KPNA5: variants seen among roughly 807,000 people sequenced by gnomAD.
KPNA5 encodes the protein karyopherin subunit alpha 5.
A neutral mutation model predicts 71.3 loss-of-function variants in KPNA5; 46 were observed. That is an observed-to-expected ratio of 0.65 (90% confidence interval 0.51 to 0.83). The LOEUF (loss-of-function observed/expected upper bound fraction) is 0.83, where lower values mean the gene tolerates loss of function less well. KPNA5 is among the 40% of genes least tolerant of loss of function. The probability of loss-of-function intolerance (pLI) is 0.00; values close to 1 mark genes in which losing one functional copy is unlikely to be tolerated. For missense variants in KPNA5, 547 were observed against 628.3 expected (o/e 0.87, Z 1.38); for synonymous variants, 207 against 201.4 (o/e 1.03, Z -0.24).
intron 4 of KPNA5, among the ~76,000 whole-genome samples, chr6:116,693,213 T>C (rs1307423927): frequency 6.6e-6 from 1 of 152,220 alleles, no homozygotes; most frequent in Non-Finnish European, 1.5e-5. Flanking sequence ...CATGTGTCTT[T>C]ACAGCAGCAT....
At chr6:116,703,315 T>C (rs1350565098) in intron 6 of KPNA5, among the ~76,000 whole-genome samples, 1 of 151,768 alleles carries the variant, frequency 6.6e-6, no homozygotes, top group Non-Finnish European at 1.5e-5. Flanking sequence ...CACGCTGGAA[T>C]GCAATGGCGC....
At position 116,732,903 on chromosome 6, in the gene KPNA5, TA is replaced by T. The variant is rs544455845; in HGVS notation, c.*584del. On this transcript the variant is annotated 3_prime_UTR_variant, in exon 14 of 14. Transcript: ENST00000368564. ...GCAAAAAATTGCAACAGAAAACCTA[TA>T]AAATTTATTTATAAAACAGAAGAAA... The T allele has an allele frequency of 3.7e-4, 57 of 152,060 alleles. No homozygotes were observed. Among genetic ancestry groups the T allele is most frequent in the African/African-American group, 1.3e-3 (55 of 41,566 alleles). 9.4% of individuals were successfully genotyped at this position (152,060 alleles called of 1,614,324 possible). A position where few individuals can be genotyped will look rare whatever the true frequency, so the allele number is the denominator to read the frequency against.
chr6:116,739,531 G>T lies in KPNA5; in HGVS notation c.*7208G>T, dbSNP rs866702857. On this transcript the variant is annotated 3_prime_UTR_variant, in exon 14 of 14. Transcript: ENST00000368564. ...TTCATATGGAACCAAAAAAGAGCCC[G>T]CATCGCCAAGTCAATCCTAAGCCAA... The T allele has an allele frequency of 3.9e-5, 6 of 152,054 alleles. No individual in the cohort carries two copies. The highest frequency in any genetic ancestry group is 1.4e-4 in the African/African-American group (6 of 41,400). The allele number at this position is 152,054 out of a possible 1,614,324, so 9.4% of individuals were successfully genotyped here.
chr6:116,695,025 ACTATAG>A (rs1562432709), intron 4 of KPNA5, among the ~76,000 whole-genome samples: 1 of 152,002 alleles, frequency 6.6e-6, no homozygotes, highest in East Asian at 1.9e-4. Context: ...ATCACAGCTC[ACTATAG>A]CCTCTGCTTT....
chr6:116,710,889 AT>A (rs1778640305), intron 7 of KPNA5, among the ~76,000 whole-genome samples: 2 of 68,824 alleles, frequency 2.9e-5, no homozygotes, highest in Non-Finnish European at 4.9e-5. Flanking sequence ...ATATATATAT[AT>A]ATATTTTTTT....
chr6:116,726,072 G>GTGTGTGTGTGTT, intron 11 of KPNA5, among the ~76,000 whole-genome samples, 196 bp downstream of exon 11: 1 of 152,058 alleles, frequency 6.6e-6, no homozygotes, highest in Non-Finnish European at 1.5e-5. Flanking sequence ...GTGTGTGTGT[G>GTGTGTGTGTGTT]TGTGTGTGTG....
chr6:116,705,220 A>T (rs1778395814), intron 7 of KPNA5, 60 bp downstream of exon 7: 2 of 1,260,434 alleles, frequency 1.6e-6, no homozygotes, highest in Non-Finnish European at 2.3e-6. Flanking sequence ...GATATTCTAC[A>T]TACATAATTA....
At position 116,729,716 on chromosome 6, in the gene KPNA5, C is replaced by T; in HGVS notation, c.1407C>T (p.Tyr469=). Residue 469 remains tyrosine (Y), a synonymous_variant, in exon 13 of 14, where the codon TAC becomes TAT. Coordinates refer to ENST00000368564, the MANE Select transcript of KPNA5 (RefSeq NM_001366306.2). ...AGAATGGAATAGGCATTAATCCATA[C>T]TGTGCTCTCATTGAAGAAGCATATG... ...SKQNGIGINP[Y]CALIEEAYGL... 1 of 1,572,904 alleles carries T rather than the reference C, an allele frequency of 6.4e-7. No individual in the cohort carries two copies.
intron 7 of KPNA5, among the ~76,000 whole-genome samples, chr6:116,715,280 C>CTT (rs1778844377): frequency 6.6e-6 from 1 of 152,000 alleles, no homozygotes; most frequent in African/African-American, 2.4e-5. Flanking sequence ...GATGTATGTG[C>CTT]TTTTTTTCTA....
rs966076025 is a variant in KPNA5 at position 116,702,543 on chromosome 6, C to T, written c.567+393C>T. Among the ~76,000 whole-genome samples, 10 of 152,078 alleles carry T rather than the reference C, an allele frequency of 6.6e-5. 1 individual carries two copies. Among genetic ancestry groups the T allele is most frequent in the Admixed American group, 3.9e-4 (6 of 15,260 alleles). ...GCTAAAAATACAAAAATTAGCCAGG[C>T]GTGGTGCCACAGCTCCTCAAGAAGC... On this transcript the variant is annotated intron_variant, in intron 6 of 13. Coordinates refer to ENST00000368564, the MANE Select transcript of KPNA5 (RefSeq NM_001366306.2).
intron 5 of KPNA5, among the ~76,000 whole-genome samples, chr6:116,700,984 C>G (rs1020016775): frequency 6.6e-6 from 1 of 152,234 alleles, no homozygotes; most frequent in Admixed American, 6.5e-5. Context: ...CTAAGGCTTT[C>G]TTCTAGGGAT....
In KPNA5 at chr6:116,740,013, A is replaced by G. The variant is rs973498439; in HGVS notation, c.*7690A>G. ...TTGACAAATGGGATGTAATTGAACTAAAGAGCTTCTGCACAGCAAAAGAAA... is the reference window on the plus strand; with the variant it reads ...TTGACAAATGGGATGTAATTGAACTGAAGAGCTTCTGCACAGCAAAAGAAA... On this transcript the variant is annotated 3_prime_UTR_variant, in exon 14 of 14. Transcript: ENST00000368564. 3 of 152,192 alleles carry G rather than the reference A, an allele frequency of 2.0e-5. No homozygotes were observed. Among genetic ancestry groups the G allele is most frequent in the African/African-American group, 4.8e-5 (2 of 41,396 alleles). 9.4% of individuals were successfully genotyped at this position (152,192 alleles called of 1,614,324 possible).
Position 116,736,699 on chromosome 6 carries a change from C to T in KPNA5, c.*4376C>T, listed in dbSNP as rs965279645. On this transcript the variant is annotated 3_prime_UTR_variant, in exon 14 of 14. Coordinates refer to ENST00000368564, the MANE Select transcript of KPNA5 (RefSeq NM_001366306.2). Reference sequence around the variant, plus strand: ...TTAAACATTTTTTCATTTCCAATTCCGCTTATATTAGTCTGCCTGAAATAC... The same window carrying T: ...TTAAACATTTTTTCATTTCCAATTCTGCTTATATTAGTCTGCCTGAAATAC... The T allele has an allele frequency of 2.6e-5, 4 of 151,820 alleles. No homozygotes were observed. The highest frequency in any genetic ancestry group is 4.4e-5 in the Non-Finnish European group (3 of 67,848). 9.4% of individuals were successfully genotyped at this position (151,820 alleles called of 1,614,324 possible).
rs1005515474 is a variant in KPNA5, at chr6:116,732,211, A to G, written c.1508A>G (p.His503Arg). 3.3e-5 allele frequency: 52 copies of G among 1,588,428 alleles called. No individual in the cohort carries two copies. The highest frequency in any genetic ancestry group is 4.4e-5 in the Non-Finnish European group (51 of 1,168,000). Reference sequence around the variant, plus strand: ...CAGAAGGCATTTGATCTGATTGAACATTACTTTGGTGTAGAAGAAGATGAC... The same window carrying G: ...CAGAAGGCATTTGATCTGATTGAACGTTACTTTGGTGTAGAAGAAGATGAC... Reference protein sequence around the residue: ...IYQKAFDLIEHYFGVEEDDPS... With the variant: ...IYQKAFDLIERYFGVEEDDPS... Residue 503 changes from histidine to arginine, a missense_variant, in exon 14 of 14, where the codon CAT (histidine) becomes CGT (arginine). His to Arg is a conservative substitution (Grantham distance 29). Transcript: ENST00000368564.
At chr6:116,714,045 G>A (rs1267542262) in intron 7 of KPNA5, among the ~76,000 whole-genome samples, 1 of 151,954 alleles carries the variant, frequency 6.6e-6, no homozygotes, top group East Asian at 1.9e-4. Flanking sequence ...TGATTTCTCA[G>A]GGAAAATTTC....
In KPNA5 at chr6:116,722,195, T is replaced by G. The variant is rs1779132143; in HGVS notation, c.826T>G (p.Cys276Gly). 6.2e-7 allele frequency: 1 copy of G among 1,613,260 alleles called. No individual in the cohort carries two copies. The highest frequency in any genetic ancestry group is 1.1e-5 in the South Asian group (1 of 90,984). Residue 276 changes from cysteine (C) to glycine (G), a missense_variant, in exon 9 of 14, where the codon TGT becomes GGT. Transcript: ENST00000368564. ...TGACCCAGATGTGTTAGCAGACGTGTGTTGGGCCCTTTCTTATCTCTCCGA... is the reference window on the plus strand; with the variant it reads ...TGACCCAGATGTGTTAGCAGACGTGGGTTGGGCCCTTTCTTATCTCTCCGA... Reference protein sequence around the residue: ...SSDPDVLADVCWALSYLSDGP... With the variant: ...SSDPDVLADVGWALSYLSDGP...
intron 4 of KPNA5, among the ~76,000 whole-genome samples, chr6:116,695,523 C>T (rs1053290505): frequency 6.6e-6 from 1 of 152,058 alleles, no homozygotes; most frequent in African/African-American, 2.4e-5. Context: ...AGCTCAACTG[C>T]CTTATTGTCC....
At chr6:116,732,074 TTATATATATATATATATATA>T (rs2243369) in intron 13 of KPNA5, 42 bp from the exon 14 acceptor site, 1,763 of 67,686 alleles carry the variant, frequency 0.026, 128 homozygotes, top group East Asian at 0.14. Flanking sequence ...AACAGTTTGT[TTATATATATATATATATATA>T]TATATATATA....
At chr6:116,703,678 T>C (rs548436775) in intron 6 of KPNA5, among the ~76,000 whole-genome samples, 1 of 152,312 alleles carries the variant, frequency 6.6e-6, no homozygotes, top group Admixed American at 6.5e-5. Context: ...AGAAAATATC[T>C]TTAGTTTAAA....
Sources: allele counts gnomAD v4.1 joint callset (sites outside exome capture counted in the v4.1 genomes callset), GRCh38; gene constraint gnomAD v4.1.1; transcripts MANE v1.5; gene names NCBI Gene and HGNC (gene_info 2026-07-23, HGNC 2026-07-21).